The following KLHL35 variants were observed in gnomAD, a reference collection of about 807,000 sequenced individuals.
The protein encoded by KLHL35 is kelch like family member 35, also known as kelch-like protein 35.
KLHL35 carries 50 observed loss-of-function variants against 44.0 expected under a neutral mutation model. That is an observed-to-expected ratio of 1.14 (90% confidence interval 0.91 to 1.44). The LOEUF (loss-of-function observed/expected upper bound fraction) is 1.44. Ranked by LOEUF, KLHL35 falls within the 40% of genes most tolerant of loss-of-function variation. KLHL35 has a pLI of 0.00. For synonymous variants in KLHL35, 470 were observed against 410.4 expected (o/e 1.15, Z -1.76); for missense variants, 1,049 against 887.8 (o/e 1.18, Z -2.31).
chr11:75,432,834 C>T (rs1948549544), intron 1 of KLHL35, among the ~76,000 whole-genome samples: 1 of 152,172 alleles, frequency 6.6e-6, no homozygotes, highest in Admixed American at 6.5e-5. Context: ...AGTCTAGGCA[C>T]TTCAAGCCAG....
chr11:75,423,525 G>T, intron 6 of KLHL35, 167 bp downstream of exon 6: 1 of 653,728 alleles, frequency 1.5e-6, no homozygotes, highest in East Asian at 2.7e-5. Flanking sequence ...ACCTCTCTAA[G>T]GCCAGTCTCC....
chr11:75,431,532 G>C (rs1318478855), intron 1 of KLHL35, among the ~76,000 whole-genome samples: 1 of 152,170 alleles, frequency 6.6e-6, no homozygotes, highest in African/African-American at 2.4e-5. Context: ...GGCGAATTCT[G>C]AAAGGTTAGA....
At chr11:75,424,384 CTT>C (rs910424934) in intron 5 of KLHL35, 2 of 154,142 alleles carry the variant, frequency 1.3e-5, no homozygotes, top group African/African-American at 4.8e-5. Flanking sequence ...ACTCCCTTCT[CTT>C]TTCCTGGTGC....
At chr11:75,423,261 G>T in intron 6 of KLHL35, 1 of 194,106 alleles carries the variant, frequency 5.2e-6, no homozygotes, top group South Asian at 1.2e-4. Context: ...GAAGAAGGTA[G>T]GGGAGGCAGG....
Position 75,422,711 on chromosome 11 carries a change from C to T in KLHL35, c.1621G>A (p.Asp541Asn), listed in dbSNP as rs1948459380. Residue 541 changes from aspartate (D) to asparagine (N), a missense_variant, in exon 7 of 7, where the codon GAT (aspartate) becomes AAT (asparagine). Transcript: ENST00000539798. ...GKVHILGGRDDRGESTDKVFT... is the reference protein window; with the variant it reads ...GKVHILGGRDNRGESTDKVFT... The stretch of plus-strand genomic sequence containing the variant: ...ACCTTATCGGTGCTTTCTCCGCGAT[C>T]ATCCCGCCCGCCAAGGATGTGGACC... 2 of 1,613,924 alleles carry T rather than the reference C, an allele frequency of 1.2e-6. No individual in the cohort carries two copies. Among genetic ancestry groups the T allele is most frequent in the African/African-American group, 2.7e-5 (2 of 74,936 alleles).
At chr11:75,426,895 T>TGTGGTG (rs1167267610) in intron 3 of KLHL35, 5 of 358,444 alleles carry the variant, frequency 1.4e-5, no homozygotes, top group African/African-American at 6.1e-5. Flanking sequence ...CCGGGCACCT[T>TGTGGTG]GTGGTGGTGG....
chr11:75,425,553 A>G lies in KLHL35; in HGVS notation c.1214T>C (p.Leu405Pro), dbSNP rs765698845. The change falls in exon 5 of 7, where the codon CTG becomes CCG. Residue 405 changes from leucine to proline, a missense_variant. By Grantham distance (98) the Leu-to-Pro change is moderately conservative. Coordinates refer to ENST00000539798, the MANE Select transcript of KLHL35 (RefSeq NM_001039548.3). ...GCGCTCCACGCTGTGCAGGCGCCTC[A>G]GGCCGTCGAAGCCACCCACCGCGAA... ...QLFAVGGFDGLRRLHSVERYD... is the reference protein window; with the variant it reads ...QLFAVGGFDGPRRLHSVERYD... The G allele has an allele frequency of 2.0e-6, 3 of 1,490,634 alleles. No homozygotes were observed. The highest frequency in any genetic ancestry group is 2.5e-5 in the Admixed American group (1 of 40,404). The allele number at this position is 1,490,634 out of a possible 1,614,324, so 92.3% of individuals were successfully genotyped here.
At position 75,430,416 on chromosome 11, in the gene KLHL35, C is replaced by A; in HGVS notation, c.214G>T (p.Ala72Ser). 7.3e-7 allele frequency: 1 copy of A among 1,368,216 alleles called. No homozygotes were observed. Among genetic ancestry groups the A allele is most frequent in the Non-Finnish European group, 9.5e-7 (1 of 1,053,370 alleles). 84.8% of individuals were successfully genotyped at this position (1,368,216 alleles called of 1,614,324 possible). A position where few individuals can be genotyped will look rare whatever the true frequency, so the allele number is the denominator to read the frequency against. The stretch of plus-strand genomic sequence containing the variant: ...GCCGGGCCGCGCTCGGGCCGCCCGG[C>A]CGCGAACAAGCTGCGGAAGTAGGCG... ...GSAYFRSLFAAGRPERGPAVV... is the reference protein window; with the variant it reads ...GSAYFRSLFASGRPERGPAVV... Residue 72 changes from alanine to serine, a missense_variant, in exon 2 of 7, where the codon GCC becomes TCC. Coordinates refer to ENST00000539798, the MANE Select transcript of KLHL35 (RefSeq NM_001039548.3).
At chr11:75,423,403 G>A in intron 6 of KLHL35, 1 of 384,678 alleles carries the variant, frequency 2.6e-6, no homozygotes, top group Non-Finnish European at 4.7e-6. Flanking sequence ...GGGCAGGAGA[G>A]ACCACAGGGT....
intron 3 of KLHL35, 59 bp downstream of exon 3, chr11:75,428,383 T>A: frequency 6.4e-7 from 1 of 1,571,110 alleles, no homozygotes; most frequent in Middle Eastern, 1.8e-4. Context: ...GCAAAGGGGG[T>A]GGAGTGCGGA....
chr11:75,431,731 C>T (rs780956823), intron 1 of KLHL35, among the ~76,000 whole-genome samples: 12 of 152,190 alleles, frequency 7.9e-5, no homozygotes, highest in Admixed American at 2.6e-4. Context: ...GTTATCTCAT[C>T]TGAAATGGGA....
rs767941752 is a variant in KLHL35 at position 75,423,684 on chromosome 11, C to T, written c.1563+8G>A. On this transcript the variant is annotated splice_region_variant and intron_variant, in intron 6 of 6. Transcript: ENST00000539798. ...GTTCCGCTCTCCTGCCTTGAAGCCT[C>T]CACTTACCACAGGGCTGGGGAGGAC... is the stretch of plus-strand genomic sequence containing the variant. 1 of 1,612,746 alleles carries T rather than the reference C, an allele frequency of 6.2e-7. No homozygotes were observed. Among genetic ancestry groups the T allele is most frequent in the Non-Finnish European group, 8.5e-7 (1 of 1,179,196 alleles).
chr11:75,432,980 C>G (rs550393305), intron 1 of KLHL35, among the ~76,000 whole-genome samples, 63 bp downstream of exon 1: 1 of 152,224 alleles, frequency 6.6e-6, no homozygotes, highest in Admixed American at 6.5e-5. Flanking sequence ...CTCAGACTTG[C>G]GGACACCACG....
Position 75,425,597 on chromosome 11 carries a change from T to C in KLHL35, c.1186-16A>G, listed in dbSNP as rs1390861365. On this transcript the variant is annotated splice_polypyrimidine_tract_variant and intron_variant, in intron 4 of 6. Transcript: ENST00000539798. ...CCGCGAACAGCTGCAAGTGAGGACATGGGCCGGGGAGCCGGGTGCCAGGGC... is the reference window on the plus strand; with the variant it reads ...CCGCGAACAGCTGCAAGTGAGGACACGGGCCGGGGAGCCGGGTGCCAGGGC... 7 of 1,459,030 alleles carry C rather than the reference T, an allele frequency of 4.8e-6. No individual in the cohort carries two copies. The East Asian group carries it at 1.9e-4, about 39-fold the overall frequency. 90.4% of individuals were successfully genotyped at this position (1,459,030 alleles called of 1,614,324 possible).
chr11:75,431,684 G>A (rs1471972930), intron 1 of KLHL35, among the ~76,000 whole-genome samples: 1 of 152,150 alleles, frequency 6.6e-6, no homozygotes, highest in African/African-American at 2.4e-5. Context: ...GTGTGGCCGG[G>A]GCAAGTCACT....
intron 1 of KLHL35, 142 bp from the exon 2 acceptor site, chr11:75,430,772 GC>G: frequency 1.4e-6 from 1 of 708,930 alleles, no homozygotes. Flanking sequence ...GTTCCTTACG[GC>G]TACAGTGCCC....
At chr11:75,426,672 T>C in intron 3 of KLHL35, 34 bp from the exon 4 acceptor site, 5 of 1,441,180 alleles carry the variant, frequency 3.5e-6, no homozygotes, top group Non-Finnish European at 4.7e-6. Flanking sequence ...GCCCATCGGC[T>C]CTCTTGCTAT....
At chr11:75,431,155 CA>C (rs1009104286) in intron 1 of KLHL35, among the ~76,000 whole-genome samples, 1 of 152,164 alleles carries the variant, frequency 6.6e-6, no homozygotes, top group African/African-American at 2.4e-5. Flanking sequence ...CACAGAGACC[CA>C]GTGTGTGCAT....
chr11:75,427,483 G>A (rs1402489407), intron 3 of KLHL35, among the ~76,000 whole-genome samples: 1 of 152,192 alleles, frequency 6.6e-6, no homozygotes, highest in African/African-American at 2.4e-5. Flanking sequence ...ATTCCTAGTG[G>A]CACCCAACAA....
Sources: gnomAD v4.1 joint callset for allele counts (sites outside exome capture counted in the v4.1 genomes callset) on GRCh38, gnomAD v4.1.1 for gene constraint, MANE v1.5 for transcripts, NCBI Gene and HGNC (gene_info 2026-07-23, HGNC 2026-07-21) for gene names.